Variants in ACTG2 observed in about 807,000 individuals in gnomAD.
The protein encoded by ACTG2 is actin, gamma-enteric smooth muscle.
In ACTG2, 16 loss-of-function variants were observed where a neutral mutation model predicts 37.6. That is an observed-to-expected ratio of 0.43 (90% confidence interval 0.29 to 0.65). The LOEUF (loss-of-function observed/expected upper bound fraction) is 0.65, where lower values mean the gene tolerates loss of function less well. Ranked by LOEUF, ACTG2 falls within the 30% of genes least tolerant of loss-of-function variation. The probability of loss-of-function intolerance (pLI) is 0.18; values close to 1 mark genes in which losing one functional copy is unlikely to be tolerated. For missense variants in ACTG2, 238 were observed against 490.9 expected (o/e 0.48, Z 4.87); for synonymous variants, 181 against 179.9 (o/e 1.01, Z -0.05).
chr2:73,919,088 C>A (rs1392641638), intron 8 of ACTG2, among the ~76,000 whole-genome samples: 3 of 152,228 alleles, frequency 2.0e-5, no homozygotes, highest in Non-Finnish European at 4.4e-5. Flanking sequence ...GAAGGGCTAG[C>A]TGCTTCCCAG....
At chr2:73,903,289 T>G (rs1195473590) in intron 3 of ACTG2, 1 of 153,724 alleles carries the variant, frequency 6.5e-6, no homozygotes, top group Admixed American at 6.5e-5. Context: ...AGACTGCAAC[T>G]GGAAATGAGG....
intron 7 of ACTG2, among the ~76,000 whole-genome samples, chr2:73,915,230 G>A (rs1045681261): frequency 5.2e-5 from 7 of 135,534 alleles, no homozygotes; most frequent in South Asian, 2.3e-4. Context: ...ATAAAAGACC[G>A]GAGGCTTGGC....
At chr2:73,902,843 G>A (rs964518688) in intron 3 of ACTG2, 25 of 1,421,304 alleles carry the variant, frequency 1.8e-5, no homozygotes, top group East Asian at 1.0e-4. Flanking sequence ...CTAACTCCCC[G>A]TCTTGGCATT....
chr2:73,906,015 A>G (rs1393780084), intron 3 of ACTG2, among the ~76,000 whole-genome samples: 1 of 151,236 alleles, frequency 6.6e-6, no homozygotes, highest in Non-Finnish European at 1.5e-5. Flanking sequence ...GTATAATAAT[A>G]TAATAAATAA....
chr2:73,912,583 C>T (rs2249658), intron 5 of ACTG2, among the ~76,000 whole-genome samples: 42 of 152,098 alleles, frequency 2.8e-4, no homozygotes, highest in Admixed American at 2.4e-3. Flanking sequence ...TTTTATTATA[C>T]AATATGCCAT....
intron 5 of ACTG2, among the ~76,000 whole-genome samples, chr2:73,913,227 A>G (rs943930648): frequency 6.6e-6 from 1 of 151,962 alleles, no homozygotes; most frequent in Non-Finnish European, 1.5e-5. Context: ...ACAAGTATGC[A>G]TTACCAGTAA....
intron 5 of ACTG2, 144 bp downstream of exon 5, chr2:73,909,283 G>A: frequency 1.4e-6 from 1 of 694,042 alleles, no homozygotes; most frequent in Non-Finnish European, 2.5e-6. Flanking sequence ...AGGTGAGAAT[G>A]CCCATGTGGA....
At chr2:73,904,777 G>GTGTATATATATATATA (rs1427483105) in intron 3 of ACTG2, among the ~76,000 whole-genome samples, 4 of 42,626 alleles carry the variant, frequency 9.4e-5, no homozygotes, top group Non-Finnish European at 1.9e-4. Flanking sequence ...GTGTGTGTGT[G>GTGTATATATATATATA]TATATATATA....
At chr2:73,901,183 A>G (rs2104805479) in intron 1 of ACTG2, 93 bp from the exon 2 acceptor site, 1 of 1,064,684 alleles carries the variant, frequency 9.4e-7, no homozygotes, top group Non-Finnish European at 1.3e-6. Flanking sequence ...GTGTGCCCTG[A>G]TTGCAGGTAG....
intron 5 of ACTG2, among the ~76,000 whole-genome samples, chr2:73,910,328 T>G (rs1035825764): frequency 1.3e-5 from 2 of 151,456 alleles, no homozygotes; most frequent in Non-Finnish European, 2.9e-5. Flanking sequence ...TTTTACTTTT[T>G]TTGTAGTGAC....
At chr2:73,894,480 T>C (rs974234318) in intron 1 of ACTG2, among the ~76,000 whole-genome samples, 1 of 152,228 alleles carries the variant, frequency 6.6e-6, no homozygotes, top group African/African-American at 2.4e-5. Flanking sequence ...ATCTTTCCTC[T>C]TTCCCCTTGT....
chr2:73,899,777 C>T (rs1330681963), intron 1 of ACTG2, among the ~76,000 whole-genome samples: 1 of 152,044 alleles, frequency 6.6e-6, no homozygotes, highest in Non-Finnish European at 1.5e-5. Context: ...CTATTCTGGA[C>T]CTTGTGGGCT....
At chr2:73,906,450 C>CAA (rs1558624956) in intron 3 of ACTG2, among the ~76,000 whole-genome samples, 1 of 122,032 alleles carries the variant, frequency 8.2e-6, no homozygotes, top group Non-Finnish European at 1.7e-5. Flanking sequence ...GACTCCATCT[C>CAA]AAAATAAAAA....
chr2:73,917,964 C>A (rs982111414), intron 8 of ACTG2, among the ~76,000 whole-genome samples: 2 of 152,240 alleles, frequency 1.3e-5, no homozygotes, highest in African/African-American at 4.8e-5. Flanking sequence ...CCATCACCTA[C>A]ACTGATAAAC....
chr2:73,899,360 G>A (rs1238894486), intron 1 of ACTG2, among the ~76,000 whole-genome samples: 5 of 152,102 alleles, frequency 3.3e-5, no homozygotes. Flanking sequence ...TACTTGGGAT[G>A]CTGAGGTGGG....
chr2:73,904,059 ACATGGTGATACCCTATCT>A (rs1679952466), intron 3 of ACTG2, among the ~76,000 whole-genome samples: 1 of 151,862 alleles, frequency 6.6e-6, no homozygotes, highest in South Asian at 2.1e-4. Flanking sequence ...AGCCTGGGCA[ACATGGTGATACCCTATCT>A]CTATGAAATA....
intron 3 of ACTG2, among the ~76,000 whole-genome samples, chr2:73,906,658 T>G (rs919898600): frequency 2.6e-5 from 4 of 151,980 alleles, no homozygotes; most frequent in Non-Finnish European, 5.9e-5. Context: ...TTTAATTTTT[T>G]GTAGAGACAG....
chr2:73,906,986 A>G (rs985596803), intron 3 of ACTG2, among the ~76,000 whole-genome samples: 5 of 152,174 alleles, frequency 3.3e-5, no homozygotes, highest in African/African-American at 1.2e-4. Context: ...CCTTAAGACC[A>G]GTTGCTGTCC....
intron 1 of ACTG2, among the ~76,000 whole-genome samples, chr2:73,898,802 C>CTTTTTTTTTTTTTT (rs1165118275): frequency 7.5e-5 from 7 of 93,012 alleles, no homozygotes; most frequent in Admixed American, 2.1e-4. Context: ...TTTTTTTTTT[C>CTTTTTTTTTTTTTT]TTTTTTTTTT....
Sources: gnomAD v4.1 joint callset for allele counts (sites outside exome capture counted in the v4.1 genomes callset) on GRCh38, gnomAD v4.1.1 for gene constraint, MANE v1.5 for transcripts, NCBI Gene and HGNC (gene_info 2026-07-23, HGNC 2026-07-21) for gene names.